The following SNRK variants were observed in gnomAD, a reference collection of about 807,000 sequenced individuals.
The protein encoded by SNRK is SNF related kinase, also known as SNF-related serine/threonine-protein kinase.
Under a neutral mutation model 48.2 loss-of-function variants are expected in SNRK, and 3 were observed. That is an observed-to-expected ratio of 0.06 (90% CI 0.03 to 0.16). SNRK has a LOEUF of 0.16. SNRK is among the 10% of genes least tolerant of loss of function. The pLI is 1.00. For missense variants in SNRK, 627 were observed against 976.0 expected (o/e 0.64, Z 4.76); for synonymous variants, 376 against 366.1 (o/e 1.03, Z -0.31).
At chr3:43,305,401 A>G (rs1406224565) in intron 3 of SNRK, among the ~76,000 whole-genome samples, 1 of 152,190 alleles carries the variant, frequency 6.6e-6, no homozygotes, top group African/African-American at 2.4e-5. Flanking sequence ...CAATTTGCCA[A>G]CATGATTGGA....
rs373209634 is a variant in SNRK, at chr3:43,290,448, A to G, written c.-169+3773A>G. Reference sequence around the variant, plus strand: ...GTCTGAGAGAATGGCATCACCAGCTACCACTCTCCGCTAGAGTCATTCTGG... The same window carrying G: ...GTCTGAGAGAATGGCATCACCAGCTGCCACTCTCCGCTAGAGTCATTCTGG... On this transcript the variant is annotated intron_variant, in intron 1 of 6. Transcript: ENST00000296088. Among the ~76,000 whole-genome samples, 9 of 152,318 alleles carry G rather than the reference A, an allele frequency of 5.9e-5. No individual in the cohort carries two copies. The East Asian group carries it at 1.2e-3, about 20-fold the overall frequency.
chr3:43,310,330 T>C lies in SNRK; in HGVS notation c.589+6538T>C, dbSNP rs545065952. 1.6e-4 allele frequency among the ~76,000 whole-genome samples: 25 copies of C among 152,302 alleles called. 1 individual carries two copies. The highest frequency in any genetic ancestry group is 3.4e-3 in the Middle Eastern group (1 of 294). ...TTCCCCAGTAGTGGTTTGCACGACA[T>C]GTAATCTGTTTCTCTCTGTGTTGGC... On this transcript the variant is annotated intron_variant, in intron 3 of 6. Coordinates refer to ENST00000296088, the MANE Select transcript of SNRK (RefSeq NM_017719.5).
chr3:43,318,141 ACCCTTGTC>A (rs1172837124), intron 3 of SNRK, among the ~76,000 whole-genome samples: 7 of 152,008 alleles, frequency 4.6e-5, no homozygotes, highest in Non-Finnish European at 1.0e-4. Context: ...TATCCGAGGT[ACCCTTGTC>A]CCCTTTGGAA....
At chr3:43,289,816 C>G (rs2125610275) in intron 1 of SNRK, 1 of 152,800 alleles carries the variant, frequency 6.5e-6, no homozygotes, top group African/African-American at 2.4e-5. Context: ...CAAATCAGGC[C>G]TCTTTCCCTT....
At chr3:43,321,988 C>A (rs56225070) in intron 3 of SNRK, among the ~76,000 whole-genome samples, 3,800 of 152,302 alleles carry the variant, frequency 0.025, 161 homozygotes, top group African/African-American at 0.084. Flanking sequence ...ATGATTATAT[C>A]TCAGCACCTA....
At chr3:43,297,571 A>AT (rs146345764) in intron 1 of SNRK, among the ~76,000 whole-genome samples, 22,229 of 150,660 alleles carry the variant, frequency 0.15, 2,756 homozygotes, top group African/African-American at 0.34. Flanking sequence ...GGGATAATGG[A>AT]TTTTTTTTTC....
At chr3:43,340,675 G>A in intron 5 of SNRK, 176 bp downstream of exon 5, 2 of 621,198 alleles carry the variant, frequency 3.2e-6, no homozygotes, top group Non-Finnish European at 5.5e-6. Context: ...GTTTTTTTTG[G>A]TGTTTTGGTT....
intron 1 of SNRK, among the ~76,000 whole-genome samples, chr3:43,296,192 G>A (rs2090851474): frequency 6.6e-6 from 1 of 151,930 alleles, no homozygotes; most frequent in South Asian, 2.1e-4. Flanking sequence ...AGTAAAATCA[G>A]GTTGGTAATA....
chr3:43,302,334 G>A (rs183605747), intron 2 of SNRK, among the ~76,000 whole-genome samples: 2 of 152,252 alleles, frequency 1.3e-5, no homozygotes, highest in African/African-American at 4.8e-5. Flanking sequence ...AGTGATGCAA[G>A]AGCAAACAAT....
At chr3:43,327,091 T>G (rs921483374) in intron 3 of SNRK, among the ~76,000 whole-genome samples, 6 of 152,224 alleles carry the variant, frequency 3.9e-5, no homozygotes, top group Admixed American at 6.5e-5. Context: ...GTCATGTTCC[T>G]TAAAACTAAC....
Position 43,348,707 on chromosome 3 carries a change from A to G in SNRK, c.*150A>G, listed in dbSNP as rs1472994842. On this transcript the variant is annotated 3_prime_UTR_variant, in exon 7 of 7. Coordinates refer to ENST00000296088, the MANE Select transcript of SNRK (RefSeq NM_017719.5). ...CATTTGTTCGCCTGATGATGTGACA[A>G]TGCATGGTCTTTGTGCATGCTGCTA... 3 of 797,146 alleles carry G rather than the reference A, an allele frequency of 3.8e-6. No individual in the cohort carries two copies. Among genetic ancestry groups the G allele is most frequent in the Non-Finnish European group, 5.4e-6 (3 of 559,012 alleles). 49.4% of individuals were successfully genotyped at this position (797,146 alleles called of 1,614,324 possible).
intron 3 of SNRK, among the ~76,000 whole-genome samples, chr3:43,314,490 A>G (rs905903326): frequency 6.6e-6 from 1 of 152,190 alleles, no homozygotes; most frequent in Non-Finnish European, 1.5e-5. Flanking sequence ...GACATATTCA[A>G]GCCAAGAGTT....
intron 4 of SNRK, among the ~76,000 whole-genome samples, chr3:43,334,503 T>C (rs930936146): frequency 2.0e-5 from 3 of 152,218 alleles, no homozygotes; most frequent in African/African-American, 7.2e-5. Context: ...TTTTTAAAAT[T>C]TTTTCCTATT....
intron 3 of SNRK, among the ~76,000 whole-genome samples, chr3:43,323,376 C>T (rs539317001): frequency 2.0e-5 from 3 of 152,268 alleles, no homozygotes; most frequent in African/African-American, 7.2e-5. Flanking sequence ...GCAGATGTTC[C>T]ACACCATTAG....
intron 4 of SNRK, among the ~76,000 whole-genome samples, chr3:43,336,486 C>T (rs1364319684): frequency 6.6e-6 from 1 of 152,122 alleles, no homozygotes; most frequent in East Asian, 1.9e-4. Context: ...TGTGTGCCAC[C>T]ATGCCTGGCT....
At chr3:43,325,425 A>G (rs997202235) in intron 3 of SNRK, among the ~76,000 whole-genome samples, 1 of 152,134 alleles carries the variant, frequency 6.6e-6, no homozygotes, top group Non-Finnish European at 1.5e-5. Flanking sequence ...TTGGCCTCCC[A>G]AAGTGCTGGG....
intron 3 of SNRK, among the ~76,000 whole-genome samples, chr3:43,323,643 ATACAAAAGCCTG>A (rs2091072098): frequency 6.6e-6 from 1 of 152,250 alleles, no homozygotes; most frequent in South Asian, 2.1e-4. Context: ...ATTTATGTTT[ATACAAAAGCCTG>A]TACACACTTT....
At chr3:43,330,086 A>C (rs2091134781) in intron 3 of SNRK, among the ~76,000 whole-genome samples, 1 of 152,222 alleles carries the variant, frequency 6.6e-6, no homozygotes, top group Non-Finnish European at 1.5e-5. Context: ...CTTATATGGA[A>C]AGATATGAAT....
intron 3 of SNRK, among the ~76,000 whole-genome samples, chr3:43,319,875 A>G (rs1234020735): frequency 1.3e-5 from 2 of 152,190 alleles, no homozygotes; most frequent in African/African-American, 4.8e-5. Context: ...GGACCCAGTG[A>G]AAGCTGTGAT....
Sources: allele counts gnomAD v4.1 joint callset (sites outside exome capture counted in the v4.1 genomes callset), GRCh38; gene constraint gnomAD v4.1.1; transcripts MANE v1.5; gene names NCBI Gene and HGNC (gene_info 2026-07-23, HGNC 2026-07-21).